Variants in RBFOX1 observed in about 807,000 individuals in gnomAD.
RBFOX1 encodes the protein RNA binding fox-1 homolog 1.
RBFOX1 carries 8 observed loss-of-function variants against 57.7 expected under a neutral mutation model. The ratio of observed to expected loss-of-function variants is 0.14; its 90% CI spans 0.08 to 0.25. RBFOX1 has a LOEUF of 0.25. RBFOX1 is among the 10% of genes least tolerant of loss of function. The probability of loss-of-function intolerance (pLI) is 1.00; values close to 1 mark genes in which losing one functional copy is unlikely to be tolerated. For missense variants in RBFOX1, 611 were observed against 548.5 expected (o/e 1.11, Z -1.14); for synonymous variants, 326 against 222.4 (o/e 1.47, Z -4.15).
chr16:6,293,687 G>T (rs1305900137), intron 1 of RBFOX1, among the ~76,000 whole-genome samples: 1 of 152,164 alleles, frequency 6.6e-6, no homozygotes, highest in Non-Finnish European at 1.5e-5. Context: ...GGCTAGTTCA[G>T]CCCTCGTCGC....
chr16:5,567,520 C>T (rs2046113956), intron 2 of RBFOX1, among the ~76,000 whole-genome samples: 2 of 150,062 alleles, frequency 1.3e-5, no homozygotes, highest in Non-Finnish European at 2.9e-5. Context: ...GGTGAGGCAG[C>T]AGTGGTGCAG....
At chr16:6,645,321 G>A (rs1456372630) in intron 2 of RBFOX1, among the ~76,000 whole-genome samples, 1 of 152,050 alleles carries the variant, frequency 6.6e-6, no homozygotes, top group African/African-American at 2.4e-5. Flanking sequence ...CATATCTTTT[G>A]GGGGGCTGCT....
chr16:7,047,455 G>T (rs919278578), intron 3 of RBFOX1, among the ~76,000 whole-genome samples: 1 of 152,016 alleles, frequency 6.6e-6, no homozygotes, highest in Non-Finnish European at 1.5e-5. Flanking sequence ...TACAAGCATT[G>T]CATTGTTTGT....
At chr16:7,292,447 A>T (rs1001585429) in intron 4 of RBFOX1, among the ~76,000 whole-genome samples, 1 of 143,572 alleles carries the variant, frequency 7.0e-6, no homozygotes, top group Non-Finnish European at 1.5e-5. Context: ...AATATATAAT[A>T]TGTAATGTAT....
chr16:6,985,260 G>A (rs1036644296), intron 3 of RBFOX1, among the ~76,000 whole-genome samples: 5 of 151,968 alleles, frequency 3.3e-5, no homozygotes, highest in Non-Finnish European at 7.4e-5. Context: ...GCCACATATT[G>A]GTAGGGAATA....
chr16:7,244,247 CAAAAAAAAAAAA>C (rs60054791), intron 4 of RBFOX1, among the ~76,000 whole-genome samples: 23 of 99,228 alleles, frequency 2.3e-4, no homozygotes, highest in African/African-American at 7.5e-4. Context: ...CAAAGTATTC[CAAAAAAAAAAAA>C]AAAAAAAAAA....
chr16:7,223,059 G>C (rs774612514), intron 4 of RBFOX1, among the ~76,000 whole-genome samples: 12 of 152,160 alleles, frequency 7.9e-5, no homozygotes, highest in Non-Finnish European at 1.2e-4. Flanking sequence ...TTGCAGATGC[G>C]ATTCTCATTT....
At chr16:6,327,522 T>A (rs1212453052) in intron 2 of RBFOX1, among the ~76,000 whole-genome samples, 1 of 152,180 alleles carries the variant, frequency 6.6e-6, no homozygotes, top group Non-Finnish European at 1.5e-5. Flanking sequence ...ATTTTGGGCT[T>A]TCTGCTCTTA....
intron 3 of RBFOX1, among the ~76,000 whole-genome samples, chr16:6,846,568 A>G (rs548465564): frequency 3.9e-5 from 6 of 152,320 alleles, no homozygotes; most frequent in South Asian, 4.1e-4. Context: ...AGCTGCTGCA[A>G]TGCGAGATTG....
chr16:7,204,062 C>T (rs1373498814), intron 4 of RBFOX1, among the ~76,000 whole-genome samples: 1 of 152,236 alleles, frequency 6.6e-6, no homozygotes, highest in Non-Finnish European at 1.5e-5. Context: ...CTGACTTCTC[C>T]AGATTTCCAT....
chr16:5,796,514 G>A (rs1443689844), intron 3 of RBFOX1, among the ~76,000 whole-genome samples: 1 of 152,126 alleles, frequency 6.6e-6, no homozygotes, highest in Non-Finnish European at 1.5e-5. Context: ...GGGATGGAAT[G>A]AGCTGGATCC....
intron 4 of RBFOX1, among the ~76,000 whole-genome samples, chr16:7,263,456 T>A (rs192605962): frequency 2.6e-5 from 4 of 152,268 alleles, no homozygotes; most frequent in Admixed American, 2.0e-4. Context: ...GATGCCTGGA[T>A]CCCAGAAGAG....
chr16:6,505,127 T>G (rs923746994), intron 2 of RBFOX1, among the ~76,000 whole-genome samples: 6 of 152,294 alleles, frequency 3.9e-5, no homozygotes, highest in African/African-American at 1.4e-4. Flanking sequence ...TTATTTTTTT[T>G]CCTTCACCAG....
chr16:5,664,506 C>G (rs999386293), intron 3 of RBFOX1, among the ~76,000 whole-genome samples: 3 of 152,108 alleles, frequency 2.0e-5, no homozygotes, highest in Middle Eastern at 3.4e-3. Context: ...GAGATTGCAT[C>G]ACTGCACTCC....
At chr16:6,938,509 G>C (rs1032860029) in intron 3 of RBFOX1, among the ~76,000 whole-genome samples, 6 of 152,046 alleles carry the variant, frequency 3.9e-5, no homozygotes, top group Non-Finnish European at 8.8e-5. Flanking sequence ...TATTAATAAG[G>C]ATTAAATAAG....
At chr16:5,308,919 C>G (rs149275663) in intron 1 of RBFOX1, among the ~76,000 whole-genome samples, 1 of 152,258 alleles carries the variant, frequency 6.6e-6, no homozygotes, top group Non-Finnish European at 1.5e-5. Flanking sequence ...CTCTGTGTTT[C>G]TCTCCCACCT....
At chr16:7,075,117 A>G (rs1054744305) in intron 4 of RBFOX1, among the ~76,000 whole-genome samples, 1 of 152,206 alleles carries the variant, frequency 6.6e-6, no homozygotes. Flanking sequence ...ATGTGTACTC[A>G]TGGGGCTGAG....
intron 2 of RBFOX1, among the ~76,000 whole-genome samples, chr16:6,577,564 A>C (rs1382710707): frequency 6.6e-6 from 1 of 152,152 alleles, no homozygotes; most frequent in Non-Finnish European, 1.5e-5. Context: ...ATGAAGATTC[A>C]CTGAGGTTCT....
chr16:6,781,610 T>C (rs966028047), intron 3 of RBFOX1, among the ~76,000 whole-genome samples: 1 of 152,210 alleles, frequency 6.6e-6, no homozygotes, highest in African/African-American at 2.4e-5. Flanking sequence ...CATTACTTAT[T>C]GATTTATCCA....
Sources: gnomAD v4.1 joint callset for allele counts (sites outside exome capture counted in the v4.1 genomes callset) on GRCh38, gnomAD v4.1.1 for gene constraint, MANE v1.5 for transcripts, NCBI Gene and HGNC (gene_info 2026-07-23, HGNC 2026-07-21) for gene names.